CEP44: variants seen among roughly 807,000 people sequenced by gnomAD.
CEP44 encodes the protein centrosomal protein of 44 kDa.
A neutral mutation model predicts 46.7 loss-of-function variants in CEP44; 45 were observed. That is an observed-to-expected ratio of 0.96 (90% confidence interval 0.76 to 1.24). The LOEUF (loss-of-function observed/expected upper bound fraction) is 1.24, where lower values mean the gene tolerates loss of function less well. Among genes scored for constraint, CEP44 ranks in the 50% most tolerant of loss-of-function variants. CEP44 has a pLI of 0.00. For synonymous variants in CEP44, 142 were observed against 146.0 expected (o/e 0.97, Z 0.20); for missense variants, 475 against 459.7 (o/e 1.03, Z -0.30).
Position 174,310,796 on chromosome 4 carries a change from TAG to T in CEP44, c.902_903del (p.Glu301ValfsTer2). ...GTGTTATTCCAGAATGATGAATTTA[TAG>T]AGTTTAATGAAGTTAGTGAAGACTA... On this transcript the variant is annotated frameshift_variant, in exon 9 of 12. Coordinates refer to ENST00000503780, the MANE Select transcript of CEP44 (RefSeq NM_001040157.3). LOFTEE classifies it high-confidence loss of function. The surrounding 1 kb of genome is among the most constrained non-coding windows in gnomAD (Gnocchi z 4.2). 6.8e-7 allele frequency: 1 copy of T among 1,466,164 alleles called. No homozygotes were observed. 90.8% of individuals were successfully genotyped at this position (1,466,164 alleles called of 1,614,324 possible). A position where few individuals can be genotyped will look rare whatever the true frequency, so the allele number is the denominator to read the frequency against.
At chr4:174,299,661 GT>G (rs1739479828) in intron 3 of CEP44, among the ~76,000 whole-genome samples, 1 of 152,098 alleles carries the variant, frequency 6.6e-6, no homozygotes, top group South Asian at 2.1e-4. Context: ...ATACATTTAA[GT>G]CGAGTGTTCT....
rs146320529 is a variant in CEP44 at position 174,304,312 on chromosome 4, A to G, written c.450A>G (p.Lys150=). The G allele has an allele frequency of 2.1e-5, 34 of 1,611,912 alleles. No homozygotes were observed. In the African/African-American group the frequency reaches 4.1e-4, roughly 20 times the overall value. Residue 150 remains lysine (K), a synonymous_variant, in exon 6 of 12, where the codon AAA becomes AAG. Transcript: ENST00000503780. ...GKSEPPLGNE[K]ISAEAVGVDI... is the part of the protein sequence containing the mutation. Reference sequence around the variant, plus strand: ...CAGAACCTCCTTTGGGCAATGAGAAAATATCTGCAGAGGCTGTTGGCGTTG... The same window carrying G: ...CAGAACCTCCTTTGGGCAATGAGAAGATATCTGCAGAGGCTGTTGGCGTTG...
In CEP44 at chr4:174,316,535, A is replaced by C; in HGVS notation, c.1092A>C (p.Thr364=). 1 of 1,587,450 alleles carries C rather than the reference A, an allele frequency of 6.3e-7. No individual in the cohort carries two copies. Residue 364 remains threonine (T), a synonymous_variant, in exon 11 of 12, where the codon ACA becomes ACC. Transcript: ENST00000503780. ...TGTTGCTTTTTAAATTAAAGGAAAC[A>C]ACAATCCAGAAAATGGAAAGGATGA... ...YCGLNEISEE[T]TIQKMERMKK...
rs1443938301 is a variant in CEP44, at chr4:174,326,156, T to C, written c.1087-5326T>C. Among the ~76,000 whole-genome samples, 1 of 152,018 alleles carries C rather than the reference T, an allele frequency of 6.6e-6. No homozygotes were observed. The highest frequency in any genetic ancestry group is 1.5e-5 in the Non-Finnish European group (1 of 67,968). On this transcript the variant is annotated intron_variant, in intron 8 of 8. Transcript: ENST00000426172. The surrounding 1 kb of genome is among the most constrained non-coding windows in gnomAD (Gnocchi z 4.8). Reference sequence around the variant, plus strand: ...CTTTTTTGCCTCTTTTCCTGAATTATTTTTCACTGGATATTTTTTAATGTT... The same window carrying C: ...CTTTTTTGCCTCTTTTCCTGAATTACTTTTCACTGGATATTTTTTAATGTT...
rs1237683036 is a variant in CEP44 at position 174,331,907 on chromosome 4, AAC to A, written c.*316_*317del. 4 of 250,354 alleles carry A rather than the reference AAC, an allele frequency of 1.6e-5. No homozygotes were observed. The highest frequency in any genetic ancestry group is 8.9e-5 in the African/African-American group (4 of 45,032). The allele number at this position is 250,354 out of a possible 1,614,324, so 15.5% of individuals were successfully genotyped here. ...AAATGGGGGCTGTGGAAGGTGAGAA[AAC>A]ACATGCTTTCTTAAAACAGAAGCTC... On this transcript the variant is annotated 3_prime_UTR_variant, in exon 9 of 9. Transcript: ENST00000426172. The surrounding 1 kb of genome is among the most constrained non-coding windows in gnomAD (Gnocchi z 4.5).
chr4:174,320,366 T>C (rs1742204369), downstream of CEP44: 14 of 947,898 alleles, frequency 1.5e-5, no homozygotes, highest in African/African-American at 1.8e-5. Context: ...CATAACTTTA[T>C]ATAATTGATA....
Position 174,299,064 on chromosome 4 carries a change from A to G in CEP44, c.-50-8A>G. 2 of 1,473,340 alleles carry G rather than the reference A, an allele frequency of 1.4e-6. No homozygotes were observed. The highest frequency in any genetic ancestry group is 1.9e-6 in the Non-Finnish European group (2 of 1,060,688). The allele number at this position is 1,473,340 out of a possible 1,614,324, so 91.3% of individuals were successfully genotyped here. ...CTTAACCAGTATTTCATGGATTTCT[A>G]TTTTCAGGTGAAAAATTAGACGATT... On this transcript the variant is annotated splice_region_variant and splice_polypyrimidine_tract_variant and intron_variant, in intron 2 of 11. Transcript: ENST00000503780.
chr4:174,318,393 C>T lies in CEP44; in HGVS notation c.*1010C>T. On this transcript the variant is annotated 3_prime_UTR_variant, in exon 12 of 12. Transcript: ENST00000503780. ...ATTCTAGCCACCGTTAAAAGATACA[C>T]AGTGAGGTGTTGTGTTTTGTTTTTT... 3 of 985,164 alleles carry T rather than the reference C, an allele frequency of 3.0e-6. No homozygotes were observed. The South Asian group carries it at 1.4e-4, about 46-fold the overall frequency. The allele number at this position is 985,164 out of a possible 1,614,324, so 61.0% of individuals were successfully genotyped here.
chr4:174,323,621 G>C (rs1007143559), downstream of CEP44, among the ~76,000 whole-genome samples: 8 of 152,132 alleles, frequency 5.3e-5, no homozygotes, highest in African/African-American at 1.9e-4. Flanking sequence ...AAAGGAGCAA[G>C]GCAGTCCAAT....
At chr4:174,294,869 C>A (rs1738728183) in intron 1 of CEP44, among the ~76,000 whole-genome samples, 1 of 139,460 alleles carries the variant, frequency 7.2e-6, no homozygotes, top group South Asian at 2.4e-4. Context: ...CCCCCCACCT[C>A]CCTCCCGGAC....
chr4:174,304,595 C>A (rs1302865232), intron 6 of CEP44, among the ~76,000 whole-genome samples: 1 of 152,150 alleles, frequency 6.6e-6, no homozygotes, highest in Non-Finnish European at 1.5e-5. Context: ...TTTCTAATTT[C>A]TAATTCTGCC....
At position 174,312,525 on chromosome 4, in the gene CEP44, A is replaced by T. The variant is rs1216818735; in HGVS notation, c.961+1667A>T. 6.6e-6 allele frequency among the ~76,000 whole-genome samples: 1 copy of T among 151,996 alleles called. No homozygotes were observed. The highest frequency in any genetic ancestry group is 1.5e-5 in the Non-Finnish European group (1 of 67,996). Reference sequence around the variant, plus strand: ...TGCTATGTTGCTCAGGCTGGTCTTGAACTCCTGGGCTCAAGCAATCCTCCC... The same window carrying T: ...TGCTATGTTGCTCAGGCTGGTCTTGTACTCCTGGGCTCAAGCAATCCTCCC... On this transcript the variant is annotated intron_variant, in intron 9 of 11. Transcript: ENST00000503780. This position sits in a 1 kb window ranked among gnomAD's most constrained non-coding sequence, Gnocchi z 4.5.
rs974447157 is a variant in CEP44 at position 174,319,967 on chromosome 4, C to G, written c.*2584C>G. The G allele has an allele frequency of 2.0e-6, 2 of 985,156 alleles. No homozygotes were observed. Among genetic ancestry groups the G allele is most frequent in the African/African-American group, 1.7e-5 (1 of 57,312 alleles). 61.0% of individuals were successfully genotyped at this position (985,156 alleles called of 1,614,324 possible). ...AGCAGGGGAGTTCTGAAGAGATTAC[C>G]TAGAGCTACATAACCCTAAGTTAAG... On this transcript the variant is annotated 3_prime_UTR_variant, in exon 12 of 12. Coordinates refer to ENST00000503780, the MANE Select transcript of CEP44 (RefSeq NM_001040157.3).
In CEP44 at chr4:174,331,246, A is replaced by C. The variant is rs1468794466; in HGVS notation, c.1087-236A>C. 6.6e-6 allele frequency among the ~76,000 whole-genome samples: 1 copy of C among 152,108 alleles called. No homozygotes were observed. Among genetic ancestry groups the C allele is most frequent in the Non-Finnish European group, 1.5e-5 (1 of 68,022 alleles). ...ATCACTCCTCACCAATGAGAAAAAA[A>C]AAAAAACTCTGAACATTTAGCTGTT... On this transcript the variant is annotated intron_variant, in intron 8 of 8. Transcript: ENST00000426172. This position sits in a 1 kb window ranked among gnomAD's most constrained non-coding sequence, Gnocchi z 4.5.
intron 6 of CEP44, 60 bp downstream of exon 6, chr4:174,304,429 C>T (rs1028230991): frequency 6.4e-6 from 10 of 1,563,108 alleles, no homozygotes; most frequent in African/African-American, 4.2e-5. Context: ...ATCCAATATA[C>T]AGTTTTCACT....
At chr4:174,305,377 C>T (rs569587842) in intron 6 of CEP44, among the ~76,000 whole-genome samples, 28 of 152,252 alleles carry the variant, frequency 1.8e-4, no homozygotes, top group Admixed American at 3.3e-4. Flanking sequence ...TCGCTTGAAC[C>T]CTGGAGGCAG....
chr4:174,291,873 C>T (rs1365699144), intron 1 of CEP44, among the ~76,000 whole-genome samples: 2 of 138,756 alleles, frequency 1.4e-5, no homozygotes, highest in Non-Finnish European at 3.1e-5. Context: ...TCATTGCAAC[C>T]TCAACCTCCT....
Position 174,299,189 on chromosome 4 carries a change from C to T in CEP44, c.68C>T (p.Pro23Leu). Residue 23 changes from proline to leucine, a missense_variant, in exon 3 of 12, where the codon CCT becomes CTT. Pro to Leu is a moderately conservative substitution (Grantham distance 98). Transcript: ENST00000503780. ...LEQVLRLLNY[P>L]EEVDCVGLIK... The stretch of plus-strand genomic sequence containing the variant: ...CAGGTGCTCCGCTTGCTAAATTATC[C>T]TGAAGAGGTGGACTGTGTAGGGTAA... 4 of 1,613,572 alleles carry T rather than the reference C, an allele frequency of 2.5e-6. No individual in the cohort carries two copies. The highest frequency in any genetic ancestry group is 2.2e-5 in the East Asian group (1 of 44,832).
At chr4:174,284,279 G>A (rs1737301969) in intron 1 of CEP44, 1 of 390,986 alleles carries the variant, frequency 2.6e-6, no homozygotes, top group Non-Finnish European at 4.5e-6. Flanking sequence ...GGCGGGAGGG[G>A]AGCCTTGCTT....
Sources: gnomAD v4.1 joint callset for allele counts (sites outside exome capture counted in the v4.1 genomes callset) on GRCh38, gnomAD v4.1.1 for gene constraint, Gnocchi (gnomAD v3.1) non-coding constraint, MANE v1.5 for transcripts, NCBI Gene and HGNC (gene_info 2026-07-23, HGNC 2026-07-21) for gene names.